The following PTPRD variants were observed in gnomAD, a reference collection of about 807,000 sequenced individuals.
PTPRD encodes the protein receptor-type tyrosine-protein phosphatase delta.
In PTPRD, 34 loss-of-function variants were observed where a neutral mutation model predicts 214.5. That is an observed-to-expected ratio of 0.16 (90% CI 0.12 to 0.21). The LOEUF is 0.21. PTPRD is among the 10% of genes least tolerant of loss of function. PTPRD has a pLI of 1.00. For missense variants in PTPRD, 2,545 were observed against 2,398.7 expected (o/e 1.06, Z -1.27); for synonymous variants, 1,128 against 845.7 (o/e 1.33, Z -5.79).
intron 2 of PTPRD, among the ~76,000 whole-genome samples, chr9:10,555,620 G>A (rs925665755): frequency 2.6e-5 from 4 of 151,958 alleles, no homozygotes; most frequent in African/African-American, 9.7e-5. Flanking sequence ...TCTAATTACC[G>A]GCCTTGAAAA....
intron 14 of PTPRD, among the ~76,000 whole-genome samples, chr9:8,557,730 G>A (rs1286123505): frequency 3.1e-5 from 4 of 128,746 alleles, no homozygotes; most frequent in South Asian, 2.5e-4. Flanking sequence ...GTGACAGAGC[G>A]AGACTGTCTC....
intron 11 of PTPRD, among the ~76,000 whole-genome samples, chr9:8,867,611 A>G (rs1346227299): frequency 1.3e-5 from 2 of 152,250 alleles, no homozygotes; most frequent in African/African-American, 4.8e-5. Flanking sequence ...GACGATGGAT[A>G]TCAAAACTGC....
At chr9:10,138,331 G>A (rs1391987058) in intron 3 of PTPRD, among the ~76,000 whole-genome samples, 1 of 151,760 alleles carries the variant, frequency 6.6e-6, no homozygotes, top group African/African-American at 2.4e-5. Context: ...TCCCAAGATT[G>A]AACCATGAAA....
chr9:9,297,677 A>G (rs1396820888), intron 9 of PTPRD, among the ~76,000 whole-genome samples: 2 of 151,824 alleles, frequency 1.3e-5, no homozygotes, highest in East Asian at 1.9e-4. Flanking sequence ...ATCATAAAAA[A>G]TAATAAAATC....
chr9:9,413,246 C>T (rs1176293541), intron 8 of PTPRD, among the ~76,000 whole-genome samples: 1 of 148,124 alleles, frequency 6.8e-6, no homozygotes, highest in Admixed American at 6.8e-5. Context: ...TCCCGAGTAG[C>T]TGGGACTACA....
At chr9:9,335,346 C>G (rs1263459907) in intron 9 of PTPRD, among the ~76,000 whole-genome samples, 1 of 151,988 alleles carries the variant, frequency 6.6e-6, no homozygotes, top group Non-Finnish European at 1.5e-5. Flanking sequence ...TATGAGAACA[C>G]TAGATTTAGA....
chr9:9,257,959 T>C (rs1320511517), intron 9 of PTPRD, among the ~76,000 whole-genome samples: 3 of 152,006 alleles, frequency 2.0e-5, no homozygotes, highest in African/African-American at 7.2e-5. Context: ...TTACTCTTCC[T>C]CTTAAAATAA....
intron 8 of PTPRD, among the ~76,000 whole-genome samples, chr9:9,494,021 T>C (rs922303398): frequency 2.6e-5 from 4 of 152,108 alleles, no homozygotes; most frequent in Admixed American, 2.0e-4. Context: ...TCCTCATGAA[T>C]GGCTATGAGG....
chr9:10,395,503 A>G (rs536358957), intron 2 of PTPRD, among the ~76,000 whole-genome samples: 2 of 151,942 alleles, frequency 1.3e-5, no homozygotes, highest in Non-Finnish European at 1.5e-5. Flanking sequence ...AAAAACTTCA[A>G]TTAAACTTAT....
chr9:8,886,196 G>A (rs1251255330), intron 11 of PTPRD, among the ~76,000 whole-genome samples: 2 of 152,150 alleles, frequency 1.3e-5, no homozygotes, highest in Non-Finnish European at 2.9e-5. Flanking sequence ...CATCTGGAGG[G>A]CTGATTGAAA....
intron 2 of PTPRD, among the ~76,000 whole-genome samples, chr9:10,445,234 T>A (rs762797159): frequency 6.6e-6 from 1 of 152,054 alleles, no homozygotes; most frequent in Non-Finnish European, 1.5e-5. Context: ...AAGATCAAAT[T>A]ATAGCCAGAT....
At chr9:8,537,009 A>G (rs2077127996) in intron 14 of PTPRD, among the ~76,000 whole-genome samples, 1 of 152,060 alleles carries the variant, frequency 6.6e-6, no homozygotes, top group Non-Finnish European at 1.5e-5. Flanking sequence ...CAGTCCTTGA[A>G]GAAGAGGAAA....
intron 3 of PTPRD, among the ~76,000 whole-genome samples, chr9:10,095,952 G>A (rs937941987): frequency 6.6e-6 from 1 of 151,538 alleles, no homozygotes; most frequent in Non-Finnish European, 1.5e-5. Flanking sequence ...ATGCTTAGGT[G>A]TTGACATTGC....
intron 7 of PTPRD, among the ~76,000 whole-genome samples, chr9:9,704,554 C>G (rs373597365): frequency 1.8e-4 from 28 of 152,248 alleles, no homozygotes; most frequent in African/African-American, 6.3e-4. Flanking sequence ...TTGGACTAGC[C>G]TTAAAGACTT....
intron 3 of PTPRD, among the ~76,000 whole-genome samples, chr9:10,277,888 G>A (rs1230811107): frequency 6.6e-6 from 1 of 152,188 alleles, no homozygotes; most frequent in Non-Finnish European, 1.5e-5. Flanking sequence ...GCCGGGCTCG[G>A]TGGCTCATGC....
intron 3 of PTPRD, among the ~76,000 whole-genome samples, chr9:10,037,421 C>A (rs146886004): frequency 6.6e-6 from 1 of 151,996 alleles, no homozygotes; most frequent in Non-Finnish European, 1.5e-5. Flanking sequence ...CCTCCTGTTG[C>A]GGCCATATGA....
chr9:9,331,047 A>G (rs1357785636), intron 9 of PTPRD, among the ~76,000 whole-genome samples: 1 of 152,082 alleles, frequency 6.6e-6, no homozygotes, highest in African/African-American at 2.4e-5. Flanking sequence ...ACTTGCTCAG[A>G]TAAGAGTCTA....
intron 44 of PTPRD, among the ~76,000 whole-genome samples, chr9:8,328,511 T>C (rs1432997272): frequency 6.6e-6 from 1 of 152,164 alleles, no homozygotes; most frequent in Non-Finnish European, 1.5e-5. Flanking sequence ...GGGGTTGCTC[T>C]TCTCGAAGAA....
At chr9:9,513,597 A>AG (rs1008218718) in intron 8 of PTPRD, among the ~76,000 whole-genome samples, 27 of 68,186 alleles carry the variant, frequency 4.0e-4, no homozygotes, top group African/African-American at 5.8e-4. Context: ...CAAAAAAAAA[A>AG]CAAATAAAAA....
Sources: allele counts gnomAD v4.1 joint callset (sites outside exome capture counted in the v4.1 genomes callset), GRCh38; gene constraint gnomAD v4.1.1; transcripts MANE v1.5; gene names NCBI Gene and HGNC (gene_info 2026-07-23, HGNC 2026-07-21).